Variants in CRB1 observed in about 807,000 individuals in gnomAD.
The protein encoded by CRB1 is crumbs cell polarity complex component 1, also known as protein crumbs homolog 1.
A neutral mutation model predicts 120.0 loss-of-function variants in CRB1; 83 were observed. The ratio of observed to expected loss-of-function variants is 0.69; its 90% CI spans 0.58 to 0.83. CRB1 has a LOEUF of 0.83. Among genes scored for constraint, CRB1 ranks in the 40% least tolerant of loss-of-function variants. CRB1 has a pLI of 0.00. For synonymous variants in CRB1, 625 were observed against 612.5 expected (o/e 1.02, Z -0.30); for missense variants, 1,699 against 1,687.6 (o/e 1.01, Z -0.12).
upstream of CRB1, among the ~76,000 whole-genome samples, chr1:197,267,431 A>C (rs578022421): frequency 6.6e-6 from 1 of 152,328 alleles, no homozygotes; most frequent in South Asian, 2.1e-4. Flanking sequence ...TAAAGACTTC[A>C]AAATATATGT....
At position 197,435,203 on chromosome 1, in the gene CRB1, C is replaced by T; in HGVS notation, c.3340C>T (p.His1114Tyr). The T allele has an allele frequency of 6.2e-7, 1 of 1,613,866 alleles. No individual in the cohort carries two copies. The highest frequency in any genetic ancestry group is 8.5e-7 in the Non-Finnish European group (1 of 1,179,844). ...GIYLSYFENVHGFINKPQEEQ... is the reference protein window; with the variant it reads ...GIYLSYFENVYGFINKPQEEQ... ...TTATCTCTCTTACTTTGAAAATGTT[C>T]ATGGTTTCATTAATAAACCTCAGGA... Residue 1114 changes from histidine to tyrosine, a missense_variant, in exon 9 of 12, where the codon CAT becomes TAT. Coordinates refer to ENST00000367400, the MANE Select transcript of CRB1 (RefSeq NM_201253.3).
chr1:197,297,026 C>T (rs1469857659), intron 1 of CRB1, among the ~76,000 whole-genome samples: 1 of 152,002 alleles, frequency 6.6e-6, no homozygotes, highest in Non-Finnish European at 1.5e-5. Context: ...TGATTGACTT[C>T]CTCTCTTTAT....
chr1:197,248,685 G>T, the CRB1 span, among the ~76,000 whole-genome samples: 1 of 151,908 alleles, frequency 6.6e-6, no homozygotes, highest in South Asian at 2.1e-4. Flanking sequence ...TGATTAAATT[G>T]TGTACAGTTA....
intron 3 of CRB1, among the ~76,000 whole-genome samples, chr1:197,345,939 A>G (rs764831640): frequency 5.9e-5 from 9 of 152,150 alleles, no homozygotes; most frequent in Non-Finnish European, 1.3e-4. Flanking sequence ...ACATTCCTGG[A>G]GACAGGTAAC....
intron 6 of CRB1, among the ~76,000 whole-genome samples, chr1:197,422,568 G>A (rs1300537022): frequency 2.0e-5 from 3 of 151,364 alleles, no homozygotes; most frequent in African/African-American, 7.3e-5. Context: ...AAAAAAAAAT[G>A]TGGAAAGTAA....
intron 5 of CRB1, among the ~76,000 whole-genome samples, chr1:197,398,529 T>A (rs1158568512): frequency 1.3e-5 from 2 of 152,048 alleles, no homozygotes; most frequent in East Asian, 3.9e-4. Flanking sequence ...TAAAGAGATG[T>A]AGAAGAAAGA....
chr1:197,406,253 ATCT>A (rs1285629887), intron 5 of CRB1, among the ~76,000 whole-genome samples: 2 of 152,164 alleles, frequency 1.3e-5, no homozygotes, highest in African/African-American at 4.8e-5. Flanking sequence ...CTGCCTTGGG[ATCT>A]TCTTGATCTG....
the CRB1 span, among the ~76,000 whole-genome samples, chr1:197,202,111 C>A: frequency 5.3e-5 from 8 of 152,134 alleles, no homozygotes; most frequent in South Asian, 2.1e-4. Context: ...AAGGCTGAGA[C>A]AAAATAGGAT....
At chr1:197,236,195 CTTTTT>C in the CRB1 span, among the ~76,000 whole-genome samples, 6 of 113,046 alleles carry the variant, frequency 5.3e-5, no homozygotes, top group Non-Finnish European at 3.6e-5. Context: ...CTTTTATTTC[CTTTTT>C]TTTTTTTTTT....
chr1:197,252,572 ATATATATATATGTGTGTG>A, the CRB1 span, among the ~76,000 whole-genome samples: 89 of 48,574 alleles, frequency 1.8e-3, no homozygotes, highest in African/African-American at 5.3e-3. Context: ...ATATATATAT[ATATATATATATGTGTGTG>A]TGTGTGTGTG....
chr1:197,236,123 C>T, the CRB1 span, among the ~76,000 whole-genome samples: 1 of 150,824 alleles, frequency 6.6e-6, no homozygotes, highest in Non-Finnish European at 1.5e-5. Flanking sequence ...ATTAATCATA[C>T]ATATTGTGGG....
intron 11 of CRB1, among the ~76,000 whole-genome samples, chr1:197,454,993 T>C (rs1031226491): frequency 2.6e-4 from 40 of 152,282 alleles, no homozygotes; most frequent in Non-Finnish European, 5.1e-4. Flanking sequence ...TCGTGAATCA[T>C]AAAGATATTT....
intron 5 of CRB1, among the ~76,000 whole-genome samples, chr1:197,366,971 A>G (rs1485991320): frequency 6.6e-6 from 1 of 152,232 alleles, no homozygotes; most frequent in Non-Finnish European, 1.5e-5. Context: ...ATTTGTGACC[A>G]TAGTTGCAAC....
chr1:197,373,383 T>G (rs1005401201), intron 5 of CRB1, among the ~76,000 whole-genome samples: 2 of 152,190 alleles, frequency 1.3e-5, no homozygotes, highest in African/African-American at 4.8e-5. Context: ...TTTGAATCTC[T>G]TAGTCTCCCC....
chr1:197,258,859 G>A, the CRB1 span, among the ~76,000 whole-genome samples: 2 of 152,104 alleles, frequency 1.3e-5, no homozygotes, highest in Admixed American at 6.6e-5. Flanking sequence ...GCATAGAAAC[G>A]TTTTAGAGAG....
At chr1:197,314,857 T>C (rs1657751744) in intron 1 of CRB1, among the ~76,000 whole-genome samples, 1 of 152,170 alleles carries the variant, frequency 6.6e-6, no homozygotes, top group Admixed American at 6.5e-5. Flanking sequence ...TCTCAATCTC[T>C]CAGCAGATGA....
chr1:197,256,932 C>CGTGTGTGTGTGTGTGTGTGTGTGT, the CRB1 span, among the ~76,000 whole-genome samples: 2 of 141,400 alleles, frequency 1.4e-5, no homozygotes, highest in African/African-American at 5.3e-5. Flanking sequence ...ATAGGATTTG[C>CGTGTGTGTGTGTGTGTGTGTGTGT]GTGTGTGTGT....
chr1:197,290,268 G>A (rs1258561082), intron 1 of CRB1, among the ~76,000 whole-genome samples: 1 of 105,400 alleles, frequency 9.5e-6, no homozygotes, highest in Non-Finnish European at 1.9e-5. Flanking sequence ...TCCCTTTCGT[G>A]TGTGTGTGTG....
intron 6 of CRB1, among the ~76,000 whole-genome samples, chr1:197,423,760 A>G (rs955264416): frequency 6.6e-6 from 1 of 152,170 alleles, no homozygotes; most frequent in Non-Finnish European, 1.5e-5. Flanking sequence ...CATGGTATAC[A>G]TTTTAATGAA....
Sources: gnomAD v4.1 joint callset for allele counts (sites outside exome capture counted in the v4.1 genomes callset) on GRCh38, gnomAD v4.1.1 for gene constraint, MANE v1.5 for transcripts, NCBI Gene and HGNC (gene_info 2026-07-23, HGNC 2026-07-21) for gene names.